The following ARHGAP15 variants were observed in gnomAD, a reference collection of about 807,000 sequenced individuals.
ARHGAP15 encodes the protein Rho GTPase activating protein 15.
A neutral mutation model predicts 63.7 loss-of-function variants in ARHGAP15; 51 were observed. The observed-to-expected ratio is 0.80, with a 90% CI of 0.64 to 1.01. The LOEUF is 1.01. Ranked by LOEUF, ARHGAP15 falls within the 50% of genes least tolerant of loss-of-function variation. The probability of loss-of-function intolerance (pLI) is 0.00; values close to 1 mark genes in which losing one functional copy is unlikely to be tolerated. For missense variants in ARHGAP15, 560 were observed against 564.6 expected (o/e 0.99, Z 0.08); for synonymous variants, 191 against 193.8 (o/e 0.99, Z 0.12).
chr2:143,139,018 T>C (rs1009699155), intron 1 of ARHGAP15, among the ~76,000 whole-genome samples: 1 of 152,146 alleles, frequency 6.6e-6, no homozygotes, highest in Non-Finnish European at 1.5e-5. Flanking sequence ...ATCTTCTTTT[T>C]GGTCTCTCTT....
chr2:143,624,111 A>G lies in ARHGAP15; in HGVS notation c.1004-22A>G, dbSNP rs577326968. The stretch of plus-strand genomic sequence containing the variant: ...TTGTTTCATTAAAACCAGTTGTTCC[A>G]TTTCTCCTCGTGTTTTCCCAGAAGA... On this transcript the variant is annotated intron_variant, in intron 11 of 13. Transcript: ENST00000295095. 6.8e-5 allele frequency: 110 copies of G among 1,611,252 alleles called. No homozygotes were observed. The East Asian group carries it at 9.8e-4, about 14-fold the overall frequency.
intron 2 of ARHGAP15, among the ~76,000 whole-genome samples, chr2:143,176,552 A>G (rs186096641): frequency 6.6e-6 from 1 of 152,224 alleles, no homozygotes; most frequent in African/African-American, 2.4e-5. Flanking sequence ...AATATTAAGT[A>G]GTAAAAAAAA....
At chr2:143,180,268 C>T (rs979496692) in intron 2 of ARHGAP15, among the ~76,000 whole-genome samples, 5 of 152,190 alleles carry the variant, frequency 3.3e-5, no homozygotes, top group Non-Finnish European at 7.3e-5. Context: ...GTCGTTCCAG[C>T]GACATTCACG....
chr2:143,716,198 T>C (rs904362061), intron 13 of ARHGAP15, among the ~76,000 whole-genome samples: 3 of 152,162 alleles, frequency 2.0e-5, no homozygotes, highest in African/African-American at 7.2e-5. Context: ...GAGATACTCT[T>C]AATATTAAGA....
intron 12 of ARHGAP15, among the ~76,000 whole-genome samples, chr2:143,629,096 T>C (rs1015591591): frequency 6.6e-6 from 1 of 152,120 alleles, no homozygotes; most frequent in Non-Finnish European, 1.5e-5. Context: ...CTGAATTACT[T>C]TAATTTTTAT....
intron 6 of ARHGAP15, among the ~76,000 whole-genome samples, chr2:143,395,909 G>A (rs1687736902): frequency 6.6e-6 from 1 of 151,958 alleles, no homozygotes; most frequent in Non-Finnish European, 1.5e-5. Flanking sequence ...TTGGCAAGCA[G>A]AGACAAGGTG....
chr2:143,490,048 G>T (rs1444125678), intron 9 of ARHGAP15, among the ~76,000 whole-genome samples: 1 of 152,154 alleles, frequency 6.6e-6, no homozygotes, highest in Admixed American at 6.5e-5. Context: ...CGCCCAGGCT[G>T]GAGTGCAGTG....
At chr2:143,511,777 T>A (rs890538132) in intron 9 of ARHGAP15, among the ~76,000 whole-genome samples, 4 of 152,298 alleles carry the variant, frequency 2.6e-5, no homozygotes, top group African/African-American at 9.6e-5. Flanking sequence ...CATTGAATTG[T>A]CCTCCTTGGT....
intron 6 of ARHGAP15, among the ~76,000 whole-genome samples, chr2:143,396,412 C>A (rs964311935): frequency 6.6e-6 from 1 of 151,994 alleles, no homozygotes; most frequent in East Asian, 1.9e-4. Context: ...TGATGGCCAG[C>A]TTAACTCAGG....
At chr2:143,600,436 G>T (rs1697722589) in intron 11 of ARHGAP15, among the ~76,000 whole-genome samples, 1 of 152,038 alleles carries the variant, frequency 6.6e-6, no homozygotes, top group Non-Finnish European at 1.5e-5. Flanking sequence ...AACTCAGTAG[G>T]CCTTCATATC....
At chr2:143,670,087 C>T (rs1682438841) in intron 12 of ARHGAP15, among the ~76,000 whole-genome samples, 1 of 152,130 alleles carries the variant, frequency 6.6e-6, no homozygotes. Context: ...TGTGGCAGTC[C>T]ATGAATTACC....
chr2:143,323,761 C>G (rs550642444), intron 6 of ARHGAP15, among the ~76,000 whole-genome samples: 2 of 151,660 alleles, frequency 1.3e-5, no homozygotes, highest in East Asian at 3.9e-4. Context: ...GTGGCGGACA[C>G]CTGTAGTCTC....
chr2:143,688,178 TA>T (rs1025725228), intron 12 of ARHGAP15, among the ~76,000 whole-genome samples: 2 of 151,472 alleles, frequency 1.3e-5, no homozygotes, highest in African/African-American at 4.8e-5. Flanking sequence ...TTCTAGTTTT[TA>T]TCACTTTAAT....
At chr2:143,521,259 G>C (rs1344237757) in intron 10 of ARHGAP15, among the ~76,000 whole-genome samples, 1 of 152,128 alleles carries the variant, frequency 6.6e-6, no homozygotes, top group African/African-American at 2.4e-5. Flanking sequence ...CAGCTTAAAG[G>C]AACCCTATGG....
intron 6 of ARHGAP15, among the ~76,000 whole-genome samples, chr2:143,334,524 C>T (rs1192198374): frequency 2.6e-5 from 4 of 152,046 alleles, no homozygotes; most frequent in East Asian, 1.9e-4. Flanking sequence ...CCTGCTGCTG[C>T]GGTGTGCCAA....
chr2:143,413,966 T>TGTGTGCGTGCGCGCGCGC, intron 6 of ARHGAP15, among the ~76,000 whole-genome samples: 1 of 117,910 alleles, frequency 8.5e-6, no homozygotes, highest in African/African-American at 3.5e-5. Context: ...TGTGTGTGTG[T>TGTGTGCGTGCGCGCGCGC]GCGCGCTCTC....
intron 11 of ARHGAP15, among the ~76,000 whole-genome samples, chr2:143,612,655 G>C (rs1698301463): frequency 6.6e-6 from 1 of 152,202 alleles, no homozygotes; most frequent in South Asian, 2.1e-4. Context: ...AGCAGGGACA[G>C]GGCAGACCTG....
intron 6 of ARHGAP15, among the ~76,000 whole-genome samples, chr2:143,394,913 C>T (rs1687693524): frequency 6.6e-6 from 1 of 151,992 alleles, no homozygotes; most frequent in Non-Finnish European, 1.5e-5. Context: ...CAGCCTGTAT[C>T]ATATTTTCAA....
At chr2:143,322,031 C>T (rs1684047206) in intron 6 of ARHGAP15, among the ~76,000 whole-genome samples, 1 of 152,200 alleles carries the variant, frequency 6.6e-6, no homozygotes, top group African/African-American at 2.4e-5. Context: ...ATGATTACTT[C>T]TTTTCTTGCT....
Sources: allele counts gnomAD v4.1 joint callset (sites outside exome capture counted in the v4.1 genomes callset), GRCh38; gene constraint gnomAD v4.1.1; transcripts MANE v1.5; gene names NCBI Gene and HGNC (gene_info 2026-07-23, HGNC 2026-07-21).